Variants in NSD2 observed in about 807,000 individuals in gnomAD.
NSD2 encodes the protein nuclear receptor binding SET domain protein 2, also known as histone-lysine N-methyltransferase NSD2.
A neutral mutation model predicts 139.0 loss-of-function variants in NSD2; 12 were observed. That is an observed-to-expected ratio of 0.09 (90% CI 0.06 to 0.14). NSD2 has a LOEUF of 0.14. Ranked by LOEUF, NSD2 falls within the 10% of genes least tolerant of loss-of-function variation. The pLI is 1.00. For missense variants in NSD2, 1,155 were observed against 1,745.0 expected, an observed-to-expected ratio of 0.66 and a Z score of 6.02; for synonymous variants, 669 against 648.7, an observed-to-expected ratio of 1.03 and a Z score of -0.48.
At chr4:1,921,852 T>C (rs1473528176) in intron 5 of NSD2, among the ~76,000 whole-genome samples, 1 of 144,372 alleles carries the variant, frequency 6.9e-6, no homozygotes, top group Non-Finnish European at 1.5e-5. Context: ...GTACGGAAAA[T>C]AGTAGCCAAT....
chr4:1,876,848 G>A (rs540026232), intron 1 of NSD2, among the ~76,000 whole-genome samples: 1 of 152,056 alleles, frequency 6.6e-6, no homozygotes, highest in Non-Finnish European at 1.5e-5. Flanking sequence ...TTGTTATGCC[G>A]TTTGCTGGTG....
At position 1,980,133 on chromosome 4, in the gene NSD2, G is replaced by GT; in HGVS notation, c.*1225dup. The GT allele has an allele frequency of 4.3e-6, 1 of 233,426 alleles. No homozygotes were observed. Among genetic ancestry groups the GT allele is most frequent in the Non-Finnish European group, 8.5e-6 (1 of 118,140 alleles). 14.5% of individuals were successfully genotyped at this position (233,426 alleles called of 1,614,324 possible). On this transcript the variant is annotated 3_prime_UTR_variant, in exon 22 of 22. Transcript: ENST00000508803. ...CCTGCCTGGCAGGTGTGCGTGCCTCGTACGTGTGTTATGGGCACTGGTCTA... is the reference window on the plus strand; with the variant it reads ...CCTGCCTGGCAGGTGTGCGTGCCTCGTTACGTGTGTTATGGGCACTGGTCTA...
chr4:1,882,715 G>A (rs1714797104), intron 1 of NSD2, among the ~76,000 whole-genome samples: 1 of 152,080 alleles, frequency 6.6e-6, no homozygotes, highest in South Asian at 2.1e-4. Context: ...CCAAGTAACA[G>A]TTTTGGGCTT....
chr4:1,976,696 G>C lies in NSD2; in HGVS notation c.3826+17G>C. 6.4e-7 allele frequency: 1 copy of C among 1,551,372 alleles called. No individual in the cohort carries two copies. The highest frequency in any genetic ancestry group is 8.7e-7 in the Non-Finnish European group (1 of 1,147,586). Reference sequence around the variant, plus strand: ...GGCCCTTCGGTGGGTGTGCAGCCTCGCGGTGGCTTGCAGCTGTGTCTGTGT... The same window carrying C: ...GGCCCTTCGGTGGGTGTGCAGCCTCCCGGTGGCTTGCAGCTGTGTCTGTGT... On this transcript the variant is annotated intron_variant, in intron 21 of 21. Coordinates refer to ENST00000508803, the MANE Select transcript of NSD2 (RefSeq NM_001042424.3). This position sits in a 1 kb window ranked among gnomAD's most constrained non-coding sequence, Gnocchi z 5.3.
At chr4:1,896,802 C>CT (rs1716398876) in intron 1 of NSD2, among the ~76,000 whole-genome samples, 1 of 146,426 alleles carries the variant, frequency 6.8e-6, no homozygotes, top group Non-Finnish European at 1.5e-5. Flanking sequence ...TTCTTTCTCT[C>CT]TCATTCTTTC....
chr4:1,896,660 C>T (rs1716351665), intron 1 of NSD2, among the ~76,000 whole-genome samples: 1 of 151,742 alleles, frequency 6.6e-6, no homozygotes, highest in Non-Finnish European at 1.5e-5. Flanking sequence ...AACCACTGTG[C>T]CCGGCCTCCC....
intron 9 of NSD2, among the ~76,000 whole-genome samples, chr4:1,949,722 C>T (rs1156728594): frequency 2.0e-5 from 3 of 151,372 alleles, no homozygotes; most frequent in African/African-American, 7.3e-5. Flanking sequence ...TGAGATTGTA[C>T]CACTGCACTC....
Position 1,904,218 on chromosome 4 carries a change from T to A in NSD2, c.600T>A (p.Ile200=). ...TGTCTTCTGTTGTTCATTTTCAGATTCCAGCTAAGAAAGAGTCTTGTCCAA... is the reference window on the plus strand; with the variant it reads ...TGTCTTCTGTTGTTCATTTTCAGATACCAGCTAAGAAAGAGTCTTGTCCAA... The part of the protein sequence containing the change: ...SKISSPSDKK[I]PAKKESCPNT... The change falls in exon 3 of 22, where the codon ATT becomes ATA. Residue 200 remains isoleucine, a splice_region_variant and synonymous_variant. Coordinates refer to ENST00000508803, the MANE Select transcript of NSD2 (RefSeq NM_001042424.3). The A allele has an allele frequency of 6.2e-7, 1 of 1,612,718 alleles. No individual in the cohort carries two copies. Among genetic ancestry groups the A allele is most frequent in the South Asian group, 1.1e-5 (1 of 90,894 alleles).
Position 1,955,956 on chromosome 4 carries a change from G to A in NSD2, c.2676-27G>A. ...TTATCGCTGTCTCTGAGGAGTCTGT[G>A]AATCCTGTTTTTAATATTTATAATA... On this transcript the variant is annotated intron_variant, in intron 14 of 21. Transcript: ENST00000508803. This position sits in a 1 kb window ranked among gnomAD's most constrained non-coding sequence, Gnocchi z 4.7. 1 of 1,613,164 alleles carries A rather than the reference G, an allele frequency of 6.2e-7. No homozygotes were observed. The highest frequency in any genetic ancestry group is 8.5e-7 in the Non-Finnish European group (1 of 1,179,584).
chr4:1,877,757 C>T lies in NSD2; in HGVS notation c.-30+6215C>T, dbSNP rs1457722041. Among the ~76,000 whole-genome samples, 4 of 152,162 alleles carry T rather than the reference C, an allele frequency of 2.6e-5. No individual in the cohort carries two copies. In the East Asian group the frequency reaches 5.8e-4, roughly 22 times the overall value. ...GCTGCCTCCGACTAGTGCCCTTGTT[C>T]CTTCTTTGACCTGGAATGCTGTCCC... On this transcript the variant is annotated intron_variant, in intron 1 of 21. Coordinates refer to ENST00000508803, the MANE Select transcript of NSD2 (RefSeq NM_001042424.3).
intron 9 of NSD2, chr4:1,940,345 T>C: frequency 1.9e-6 from 2 of 1,069,106 alleles, no homozygotes; most frequent in East Asian, 5.0e-5. Context: ...CATTGTAATA[T>C]GACTCCTGTG....
intron 1 of NSD2, among the ~76,000 whole-genome samples, chr4:1,898,261 A>AT (rs1258302033): frequency 2.0e-5 from 3 of 152,040 alleles, no homozygotes; most frequent in African/African-American, 7.2e-5. Context: ...TAATTTTTGT[A>AT]TTTTTTGTTG....
At position 1,955,841 on chromosome 4, in the gene NSD2, G is replaced by C. The variant is rs763292766; in HGVS notation, c.2667G>C (p.Gly889=). 1 of 1,613,988 alleles carries C rather than the reference G, an allele frequency of 6.2e-7. No homozygotes were observed. Among genetic ancestry groups the C allele is most frequent in the South Asian group, 1.1e-5 (1 of 91,078 alleles). ...AGGATATCATTTGGGTGAAACTTGG[G>C]AACTACAGGTGTGAGACATAGAATC... ...HFQDIIWVKL[G]NYRWWPAEVC... is the part of the protein sequence containing the mutation. Residue 889 remains glycine, a synonymous_variant, in exon 14 of 22, where the codon GGG becomes GGC. Transcript: ENST00000508803. The surrounding 1 kb of genome is among the most constrained non-coding windows in gnomAD (Gnocchi z 4.7).
chr4:1,934,467 T>C (rs1343172140), intron 6 of NSD2, among the ~76,000 whole-genome samples: 1 of 151,760 alleles, frequency 6.6e-6, no homozygotes, highest in Non-Finnish European at 1.5e-5. Context: ...CACTCCAGCC[T>C]GAGCTACAAG....
In NSD2 at chr4:1,900,936, C is replaced by T. The variant is rs371464236; in HGVS notation, c.282C>T (p.His94=). 12 of 1,614,148 alleles carry T rather than the reference C, an allele frequency of 7.4e-6. No homozygotes were observed. Among genetic ancestry groups the T allele is most frequent in the East Asian group, 2.2e-5 (1 of 44,884 alleles). The stretch of plus-strand genomic sequence containing the variant: ...TGTTTAATGGAGAACCCGGCGCACA[C>T]GATGCCAAACTGCGTTTTGAGTCCC... ...SRVFNGEPGA[H]DAKLRFESQE... The change falls in exon 2 of 22, where the codon CAC becomes CAT. Residue 94 remains histidine, a synonymous_variant. Transcript: ENST00000508803.
intron 1 of NSD2, 92 bp from the exon 2 acceptor site, chr4:1,900,533 GA>G: frequency 2.7e-6 from 2 of 737,876 alleles, no homozygotes; most frequent in Middle Eastern, 5.7e-4. Context: ...AAGAAAATCA[GA>G]CCCCACAAAG....
chr4:1,911,580 G>A lies in NSD2; in HGVS notation c.761-5291G>A, dbSNP rs547360174. On this transcript the variant is annotated intron_variant, in intron 3 of 21. Transcript: ENST00000508803. ...TCCAGCCTGGGCGACAGAGCGAGAC[G>A]CCATCTCAAAAAAAAAAAAAAAAAA... 9.7e-5 allele frequency among the ~76,000 whole-genome samples: 10 copies of A among 102,878 alleles called. No homozygotes were observed. In the Admixed American group the frequency reaches 1.1e-3, roughly 11 times the overall value. 67.5% of individuals were successfully genotyped at this position (102,878 alleles called of 152,430 possible).
chr4:1,881,663 C>T (rs1006351305), intron 1 of NSD2, among the ~76,000 whole-genome samples: 1 of 152,192 alleles, frequency 6.6e-6, no homozygotes, highest in Non-Finnish European at 1.5e-5. Context: ...TCCCAAAGTT[C>T]TGGGAATACA....
At position 1,942,215 on chromosome 4, in the gene NSD2, AAAAT is replaced by A. The variant is rs1723174088; in HGVS notation, c.1881+2438_1881+2441del. On this transcript the variant is annotated intron_variant, in intron 9 of 21. Coordinates refer to ENST00000508803, the MANE Select transcript of NSD2 (RefSeq NM_001042424.3). This position sits in a 1 kb window ranked among gnomAD's most constrained non-coding sequence, Gnocchi z 4.0. ...ATCACCCTGAGGAAGAGAATAAATT[AAAAT>A]TACACACTTGCATGACAAAGGCCTG... 6.7e-7 allele frequency: 1 copy of A among 1,492,438 alleles called. No homozygotes were observed. Among genetic ancestry groups the A allele is most frequent in the African/African-American group, 1.4e-5 (1 of 71,672 alleles). 92.4% of individuals were successfully genotyped at this position (1,492,438 alleles called of 1,614,324 possible). A position where few individuals can be genotyped will look rare whatever the true frequency, so the allele number is the denominator to read the frequency against.
Sources: allele counts gnomAD v4.1 joint callset (sites outside exome capture counted in the v4.1 genomes callset), GRCh38; gene constraint gnomAD v4.1.1; non-coding constraint Gnocchi (gnomAD v3.1); transcripts MANE v1.5; gene names NCBI Gene and HGNC (gene_info 2026-07-23, HGNC 2026-07-21).